CACNB2: variants seen among roughly 807,000 people sequenced by gnomAD.
CACNB2 encodes the protein calcium voltage-gated channel auxiliary subunit beta 2, also known as voltage-dependent L-type calcium channel subunit beta-2.
In CACNB2, 42 loss-of-function variants were observed where a neutral mutation model predicts 73.3. The ratio of observed to expected loss-of-function variants is 0.57; its 90% CI spans 0.45 to 0.74. The LOEUF (loss-of-function observed/expected upper bound fraction) is 0.74. Among genes scored for constraint, CACNB2 ranks in the 30% least tolerant of loss-of-function variants. The pLI is 0.00. For missense variants in CACNB2, 940 were observed against 853.0 expected (o/e 1.10, Z -1.27); for synonymous variants, 348 against 310.3 (o/e 1.12, Z -1.28).
At chr10:18,485,511 C>G (rs1340463010) in intron 3 of CACNB2, among the ~76,000 whole-genome samples, 3 of 147,402 alleles carry the variant, frequency 2.0e-5, no homozygotes, top group African/African-American at 5.0e-5. Context: ...ATAAAAAAAA[C>G]GGATTAGATC....
chr10:18,308,607 T>C (rs570850842), intron 2 of CACNB2, among the ~76,000 whole-genome samples: 1 of 152,302 alleles, frequency 6.6e-6, no homozygotes, highest in South Asian at 2.1e-4. Context: ...GCACTCACAG[T>C]GATTTCTTGG....
chr10:18,151,543 A>T (rs2031559634), intron 2 of CACNB2, among the ~76,000 whole-genome samples: 2 of 152,158 alleles, frequency 1.3e-5, no homozygotes, highest in Admixed American at 1.3e-4. Context: ...GCAGCCTGGA[A>T]CAGTCCCCTA....
chr10:18,406,483 T>C (rs2044294588), intron 3 of CACNB2, among the ~76,000 whole-genome samples: 1 of 152,154 alleles, frequency 6.6e-6, no homozygotes, highest in Admixed American at 6.6e-5. Flanking sequence ...ATGGCAGCAT[T>C]AGGTTCTCAT....
At chr10:18,377,926 T>G (rs142118052) in intron 2 of CACNB2, among the ~76,000 whole-genome samples, 2 of 152,358 alleles carry the variant, frequency 1.3e-5, no homozygotes, top group Non-Finnish European at 2.9e-5. Flanking sequence ...ACCTGGGAAC[T>G]GAGTAAAATT....
intron 3 of CACNB2, among the ~76,000 whole-genome samples, chr10:18,425,356 T>C (rs1452179401): frequency 2.0e-5 from 3 of 152,188 alleles, no homozygotes; most frequent in Non-Finnish European, 4.4e-5. Flanking sequence ...ATTTTTGCTT[T>C]TGGGCTCTTG....
chr10:18,488,972 G>A (rs906219692), intron 3 of CACNB2, among the ~76,000 whole-genome samples: 2 of 151,916 alleles, frequency 1.3e-5, no homozygotes, highest in African/African-American at 4.8e-5. Context: ...GAGGTCAAGA[G>A]TTTGAGACCA....
chr10:18,182,279 T>C (rs912704344), intron 2 of CACNB2, among the ~76,000 whole-genome samples: 1 of 151,688 alleles, frequency 6.6e-6, no homozygotes, highest in Non-Finnish European at 1.5e-5. Flanking sequence ...GAGCCGAGAT[T>C]GCACCATTGT....
At chr10:18,302,718 G>A (rs879679759) in intron 2 of CACNB2, among the ~76,000 whole-genome samples, 26 of 152,246 alleles carry the variant, frequency 1.7e-4, no homozygotes, top group Non-Finnish European at 2.5e-4. Flanking sequence ...GGTGGGAAGG[G>A]GGTGAGGGAT....
intron 7 of CACNB2, 98 bp from the exon 8 acceptor site, chr10:18,518,238 T>A: frequency 1.2e-6 from 1 of 828,902 alleles, no homozygotes; most frequent in Non-Finnish European, 2.1e-6. Flanking sequence ...GGAAAGCCAG[T>A]GCCTCATATT....
intron 2 of CACNB2, among the ~76,000 whole-genome samples, chr10:18,250,641 T>G (rs1003511149): frequency 1.4e-4 from 21 of 152,196 alleles, no homozygotes; most frequent in African/African-American, 4.8e-4. Flanking sequence ...ATTTAAGATT[T>G]AGGATATCTA....
chr10:18,514,326 C>A lies in CACNB2; in HGVS notation c.761C>A (p.Thr254Lys). Residue 254 changes from threonine (T) to lysine (K), a missense_variant, in exon 7 of 14, where the codon ACG becomes AAG. Transcript: ENST00000324631. ...CCTAAACCCAGTGCAAACAGTGTAA[C>A]GTCACCCCACTCCAAAGAGAAAAGA... ...RSPKPSANSV[T>K]SPHSKEKRMP... is the part of the protein sequence containing the mutation. 1 of 1,614,126 alleles carries A rather than the reference C, an allele frequency of 6.2e-7. No homozygotes were observed. Among genetic ancestry groups the A allele is most frequent in the South Asian group, 1.1e-5 (1 of 91,078 alleles).
chr10:18,175,911 G>T (rs1046824510), intron 2 of CACNB2, among the ~76,000 whole-genome samples: 1 of 152,056 alleles, frequency 6.6e-6, no homozygotes, highest in Admixed American at 6.6e-5. Context: ...GGCTTTTTAG[G>T]TTCAGAACAT....
At chr10:18,277,864 C>T (rs1014575732) in intron 2 of CACNB2, among the ~76,000 whole-genome samples, 2 of 152,008 alleles carry the variant, frequency 1.3e-5, no homozygotes, top group African/African-American at 2.4e-5. Context: ...CTTTTGATTC[C>T]TGAGTCAATC....
rs190240792 is a variant in CACNB2 at position 18,337,950 on chromosome 10, C to G, written c.214-63974C>G. Among the ~76,000 whole-genome samples, 3 of 152,188 alleles carry G rather than the reference C, an allele frequency of 2.0e-5. No individual in the cohort carries two copies. The East Asian group carries it at 5.8e-4, about 29-fold the overall frequency. ...CTCAAAGTGGATTAAAGACCTGAAA[C>G]CATAAAATTCCTAGAAGAAAACATT... On this transcript the variant is annotated intron_variant, in intron 2 of 13. Transcript: ENST00000324631.
At chr10:18,227,029 G>T (rs1212348755) in intron 2 of CACNB2, among the ~76,000 whole-genome samples, 2 of 152,130 alleles carry the variant, frequency 1.3e-5, no homozygotes, top group Non-Finnish European at 2.9e-5. Flanking sequence ...CTCTGAGGAT[G>T]ACATTAGCAG....
intron 2 of CACNB2, among the ~76,000 whole-genome samples, chr10:18,344,045 T>C (rs2041343676): frequency 6.6e-6 from 1 of 150,868 alleles, no homozygotes; most frequent in Non-Finnish European, 1.5e-5. Context: ...CTCTTTAATT[T>C]TATATTGCTC....
intron 2 of CACNB2, among the ~76,000 whole-genome samples, chr10:18,380,452 C>CTTTTTTTTTTT (rs757792853): frequency 9.0e-6 from 1 of 111,022 alleles, no homozygotes; most frequent in Non-Finnish European, 1.8e-5. Context: ...ATGTGTTTTT[C>CTTTTTTTTTTT]TTTTTTTTTT....
chr10:18,454,020 G>C lies in CACNB2; in HGVS notation c.334-44335G>C, dbSNP rs2047144609. Among the ~76,000 whole-genome samples, 3 of 152,252 alleles carry C rather than the reference G, an allele frequency of 2.0e-5. No individual in the cohort carries two copies. The South Asian group carries it at 6.2e-4, about 32-fold the overall frequency. Reference sequence around the variant, plus strand: ...TCACTTGTTTCTGATTGTACTCCCAGGAACAAGCCCAGCGCCTTTCCCACA... The same window carrying C: ...TCACTTGTTTCTGATTGTACTCCCACGAACAAGCCCAGCGCCTTTCCCACA... On this transcript the variant is annotated intron_variant, in intron 3 of 13. Transcript: ENST00000324631.
chr10:18,235,432 T>A (rs2036403110), intron 2 of CACNB2, among the ~76,000 whole-genome samples: 1 of 152,208 alleles, frequency 6.6e-6, no homozygotes, highest in South Asian at 2.1e-4. Context: ...CACTCCAGCC[T>A]GGGAGACAAA....
Sources: allele counts gnomAD v4.1 joint callset (sites outside exome capture counted in the v4.1 genomes callset), GRCh38; gene constraint gnomAD v4.1.1; transcripts MANE v1.5; gene names NCBI Gene and HGNC (gene_info 2026-07-23, HGNC 2026-07-21).